Variants in AGBL1 observed in about 807,000 individuals in gnomAD.
The protein encoded by AGBL1 is AGBL carboxypeptidase 1.
Under a neutral mutation model 118.9 loss-of-function variants are expected in AGBL1, and 130 were observed. The ratio of observed to expected loss-of-function variants is 1.09; its 90% CI spans 0.95 to 1.26. AGBL1 has a LOEUF of 1.26. AGBL1 is among the 50% of genes most tolerant of loss of function. The pLI, the probability that AGBL1 is intolerant of heterozygous loss-of-function variation, is 0.00. For missense variants in AGBL1, 1,584 were observed against 1,298.1 expected (o/e 1.22, Z -3.38); for synonymous variants, 555 against 478.9 (o/e 1.16, Z -2.08).
At chr15:86,484,059 C>G (rs776199676) in intron 18 of AGBL1, among the ~76,000 whole-genome samples, 4 of 152,098 alleles carry the variant, frequency 2.6e-5, no homozygotes, top group Non-Finnish European at 5.9e-5. Flanking sequence ...TTACATCTCT[C>G]CTCTTATCTA....
At chr15:86,242,794 G>C (rs1440735956) in intron 6 of AGBL1, among the ~76,000 whole-genome samples, 1 of 152,206 alleles carries the variant, frequency 6.6e-6, no homozygotes, top group Non-Finnish European at 1.5e-5. Context: ...GTTTTGCCAA[G>C]TAAGAGGAGC....
chr15:86,248,022 A>C, intron 7 of AGBL1, 143 bp downstream of exon 7: 4 of 1,176,882 alleles, frequency 3.4e-6, no homozygotes, highest in Non-Finnish European at 4.9e-6. Flanking sequence ...TTCTGGATTT[A>C]AGGCTTCATT....
chr15:86,289,594 G>A (rs2079512190), intron 16 of AGBL1, among the ~76,000 whole-genome samples: 1 of 152,098 alleles, frequency 6.6e-6, no homozygotes, highest in African/African-American at 2.4e-5. Flanking sequence ...AGTTTTTTCA[G>A]AATCCACGCA....
At chr15:86,825,209 G>T (rs551250365) in intron 22 of AGBL1, among the ~76,000 whole-genome samples, 5 of 151,736 alleles carry the variant, frequency 3.3e-5, no homozygotes, top group African/African-American at 1.2e-4. Flanking sequence ...CCATAGGAAA[G>T]AAAATGCACC....
At chr15:86,208,059 C>T (rs558825993) in intron 5 of AGBL1, among the ~76,000 whole-genome samples, 5 of 151,706 alleles carry the variant, frequency 3.3e-5, no homozygotes, top group Non-Finnish European at 7.4e-5. Flanking sequence ...AAGGCCTTTT[C>T]TGCAACTATT....
chr15:86,545,972 T>A, intron 19 of AGBL1, 30 bp from the exon 20 acceptor site: 1 of 1,605,728 alleles, frequency 6.2e-7, no homozygotes, highest in Non-Finnish European at 8.5e-7. Context: ...CTGACCTGGT[T>A]TTATTTTCTC....
chr15:86,182,200 A>G (rs1378542553), intron 5 of AGBL1, among the ~76,000 whole-genome samples: 1 of 152,036 alleles, frequency 6.6e-6, no homozygotes, highest in Non-Finnish European at 1.5e-5. Context: ...GGCATAAACC[A>G]ATTCAAGGTC....
At chr15:86,621,009 CTCT>C in intron 21 of AGBL1, among the ~76,000 whole-genome samples, 1 of 122,152 alleles carries the variant, frequency 8.2e-6, no homozygotes, top group Non-Finnish European at 1.7e-5. Flanking sequence ...CTCTGCATCT[CTCT>C]TCTCCTCGCT....
At chr15:86,421,763 C>T (rs746222171) in intron 18 of AGBL1, among the ~76,000 whole-genome samples, 12 of 151,912 alleles carry the variant, frequency 7.9e-5, no homozygotes, top group Non-Finnish European at 1.6e-4. Context: ...GAAGATTTAG[C>T]AAGCAAATAG....
chr15:86,271,037 C>T (rs190602457), intron 14 of AGBL1, among the ~76,000 whole-genome samples: 12 of 131,970 alleles, frequency 9.1e-5, no homozygotes, highest in Admixed American at 7.4e-4. Flanking sequence ...GCTTCAGTCA[C>T]GTTGCATTTT....
At chr15:86,093,248 A>G (rs541470994) in intron 1 of AGBL1, among the ~76,000 whole-genome samples, 1 of 152,286 alleles carries the variant, frequency 6.6e-6, no homozygotes, top group South Asian at 2.1e-4. Flanking sequence ...AAATTTGAAG[A>G]CTTGAAAAGG....
At chr15:86,124,865 T>C (rs1307487471) in intron 1 of AGBL1, among the ~76,000 whole-genome samples, 6 of 152,228 alleles carry the variant, frequency 3.9e-5, no homozygotes, top group Non-Finnish European at 8.8e-5. Flanking sequence ...GTCTATATAA[T>C]GGCAGGGCAC....
chr15:86,975,794 A>G (rs1450056680), intron 23 of AGBL1, among the ~76,000 whole-genome samples: 4 of 152,276 alleles, frequency 2.6e-5, no homozygotes, highest in Admixed American at 1.3e-4. Context: ...TCTTCAGACT[A>G]AATATGATCG....
intron 24 of AGBL1, among the ~76,000 whole-genome samples, chr15:87,013,885 C>A (rs1349502650): frequency 6.6e-6 from 1 of 152,148 alleles, no homozygotes; most frequent in Non-Finnish European, 1.5e-5. Context: ...GGGCTTTGAA[C>A]ATAGACACAC....
At chr15:86,130,129 AC>A (rs2076800644) in intron 1 of AGBL1, among the ~76,000 whole-genome samples, 1 of 151,714 alleles carries the variant, frequency 6.6e-6, no homozygotes, top group Non-Finnish European at 1.5e-5. Flanking sequence ...TATATGTCTC[AC>A]TCTATACTGG....
intron 24 of AGBL1, among the ~76,000 whole-genome samples, chr15:86,995,498 C>A (rs1869120036): frequency 1.3e-5 from 2 of 152,246 alleles, no homozygotes; most frequent in East Asian, 3.9e-4. Context: ...CAATTCTATG[C>A]CAGTGAAACT....
intron 22 of AGBL1, among the ~76,000 whole-genome samples, chr15:86,803,973 A>G (rs1021072274): frequency 5.3e-5 from 8 of 152,122 alleles, no homozygotes; most frequent in African/African-American, 1.9e-4. Flanking sequence ...TGGCATAGGG[A>G]AAGACAATAT....
At chr15:86,256,736 C>A in intron 7 of AGBL1, 117 bp from the exon 8 acceptor site, 1 of 1,036,036 alleles carries the variant, frequency 9.7e-7, no homozygotes. Context: ...AATTCATTAG[C>A]TGAAACACAG....
chr15:86,928,583 T>A (rs2080572191), intron 23 of AGBL1, among the ~76,000 whole-genome samples: 1 of 152,212 alleles, frequency 6.6e-6, no homozygotes. Flanking sequence ...GAAGAACGTA[T>A]GAGTCTTAAC....
Sources: allele counts gnomAD v4.1 joint callset (sites outside exome capture counted in the v4.1 genomes callset), GRCh38; gene constraint gnomAD v4.1.1; transcripts MANE v1.5; gene names NCBI Gene and HGNC (gene_info 2026-07-23, HGNC 2026-07-21).